ANO6: variants seen among roughly 807,000 people sequenced by gnomAD.
The protein encoded by ANO6 is anoctamin-6.
Under a neutral mutation model 117.5 loss-of-function variants are expected in ANO6, and 106 were observed. The observed-to-expected ratio is 0.90, with a 90% CI of 0.77 to 1.06. The LOEUF is 1.06. ANO6 is among the 50% of genes least tolerant of loss of function. The probability of loss-of-function intolerance (pLI) is 0.00; values close to 1 mark genes in which losing one functional copy is unlikely to be tolerated. For missense variants in ANO6, 955 were observed against 1,121.1 expected, an observed-to-expected ratio of 0.85 and a Z score of 2.12; for synonymous variants, 367 against 385.1, an observed-to-expected ratio of 0.95 and a Z score of 0.55.
At chr12:45,349,981 A>G (rs1037189588) in intron 6 of ANO6, among the ~76,000 whole-genome samples, 1 of 152,276 alleles carries the variant, frequency 6.6e-6, no homozygotes, top group Non-Finnish European at 1.5e-5. Flanking sequence ...CAGGCTAACA[A>G]ATGGTCCCAT....
At chr12:45,299,522 T>C (rs1403083079) in intron 1 of ANO6, among the ~76,000 whole-genome samples, 1 of 152,160 alleles carries the variant, frequency 6.6e-6, no homozygotes, top group East Asian at 1.9e-4. Flanking sequence ...TATACAAAGA[T>C]GTGAGGTATT....
chr12:45,333,831 T>C (rs1190728752), intron 3 of ANO6, among the ~76,000 whole-genome samples: 1 of 152,008 alleles, frequency 6.6e-6, no homozygotes, highest in East Asian at 1.9e-4. Flanking sequence ...TTTAGGACAA[T>C]ACCAAGGAAA....
At chr12:45,344,488 T>C (rs11182990) in intron 3 of ANO6, among the ~76,000 whole-genome samples, 17,146 of 151,736 alleles carry the variant, frequency 0.11, 1,488 homozygotes, top group East Asian at 0.32. Flanking sequence ...ATATCTGGAG[T>C]CGGAGGACAA....
At chr12:45,346,940 TTATTAA>T in intron 3 of ANO6, 76 bp from the exon 4 acceptor site, 3 of 1,275,592 alleles carry the variant, frequency 2.4e-6, no homozygotes, top group Non-Finnish European at 3.4e-6. Flanking sequence ...TTTGATTTTG[TTATTAA>T]TATTGTTTTA....
At chr12:45,347,283 T>G (rs2137445581) in intron 4 of ANO6, 196 bp downstream of exon 4, 1 of 565,132 alleles carries the variant, frequency 1.8e-6, no homozygotes, top group Middle Eastern at 4.6e-4. Context: ...AGATCTTTTT[T>G]AATAGCCAAC....
At chr12:45,306,815 G>T (rs957312148) in intron 2 of ANO6, among the ~76,000 whole-genome samples, 40 of 151,638 alleles carry the variant, frequency 2.6e-4, no homozygotes, top group Admixed American at 1.9e-3. Flanking sequence ...AAAAAGTAGG[G>T]ATTATTTGTG....
At chr12:45,227,691 A>G (rs867619227) in intron 1 of ANO6, among the ~76,000 whole-genome samples, 4 of 152,022 alleles carry the variant, frequency 2.6e-5, no homozygotes, top group African/African-American at 4.8e-5. Flanking sequence ...GTCTTTTCCC[A>G]TCAAACATTG....
intron 9 of ANO6, among the ~76,000 whole-genome samples, chr12:45,370,909 C>T (rs1001130063): frequency 3.5e-4 from 53 of 152,158 alleles, no homozygotes; most frequent in African/African-American, 1.2e-3. Flanking sequence ...GCCTGAGCAA[C>T]GCAGGAGACG....
intron 8 of ANO6, among the ~76,000 whole-genome samples, chr12:45,362,344 T>A (rs973427656): frequency 6.6e-5 from 10 of 152,076 alleles, no homozygotes; most frequent in African/African-American, 2.4e-4. Context: ...AATGTTTCCC[T>A]TTTCATTTCT....
At chr12:45,346,250 A>G (rs1309353640) in intron 3 of ANO6, among the ~76,000 whole-genome samples, 1 of 152,196 alleles carries the variant, frequency 6.6e-6, no homozygotes, top group Admixed American at 6.5e-5. Flanking sequence ...AAAGCAGTAT[A>G]AACTGTTTTG....
exon 20 of ANO6, chr12:45,440,268 C>T (rs534185280): frequency 6.1e-6 from 1 of 164,810 alleles, no homozygotes; most frequent in African/African-American, 2.4e-5. Context: ...GAGACAGAGT[C>T]TTACTCTGTC....
rs1941261743 is a variant in ANO6, at chr12:45,350,830, G to A, written c.863+56G>A. 2.9e-6 allele frequency: 4 copies of A among 1,360,474 alleles called. No individual in the cohort carries two copies. In the South Asian group the frequency reaches 3.6e-5, roughly 12 times the overall value. The allele number at this position is 1,360,474 out of a possible 1,614,324, so 84.3% of individuals were successfully genotyped here. ...AGGCACTCAGGGTGTTACCCCCACA[G>A]CATCTGAATGTGACAGTACTCATCA... is the stretch of plus-strand genomic sequence containing the variant. On this transcript the variant is annotated intron_variant, in intron 7 of 19. Coordinates refer to ENST00000320560, the MANE Select transcript of ANO6 (RefSeq NM_001025356.3).
At chr12:45,297,011 A>G (rs1284014500) in intron 1 of ANO6, among the ~76,000 whole-genome samples, 1 of 152,192 alleles carries the variant, frequency 6.6e-6, no homozygotes, top group Non-Finnish European at 1.5e-5. Flanking sequence ...TGAGATAACC[A>G]GGGAAAGTAA....
Position 45,369,668 on chromosome 12 carries a change from C to CT in ANO6, c.1104+1876dup, listed in dbSNP as rs1197473508. On this transcript the variant is annotated intron_variant, in intron 9 of 19. Coordinates refer to ENST00000320560, the MANE Select transcript of ANO6 (RefSeq NM_001025356.3). ...AGAAAAAGCACTTTTTCTGGCTTTT[C>CT]TGTTTGTGAATTATTTTTTCCTTCA... is the stretch of plus-strand genomic sequence containing the variant. Among the ~76,000 whole-genome samples, 4 of 151,714 alleles carry CT rather than the reference C, an allele frequency of 2.6e-5. No individual in the cohort carries two copies. The East Asian group carries it at 7.7e-4, about 29-fold the overall frequency.
intron 16 of ANO6, among the ~76,000 whole-genome samples, chr12:45,411,944 C>T (rs1388394950): frequency 6.6e-6 from 1 of 152,156 alleles, no homozygotes; most frequent in African/African-American, 2.4e-5. Context: ...TACTCATAAA[C>T]ATTTAAGCAA....
chr12:45,327,999 CT>C (rs780432571), intron 2 of ANO6, among the ~76,000 whole-genome samples: 6 of 152,088 alleles, frequency 3.9e-5, no homozygotes, highest in Non-Finnish European at 7.4e-5. Flanking sequence ...AAAAATCATT[CT>C]GGGCCATTCC....
chr12:45,365,957 A>G (rs1196049458), intron 8 of ANO6, among the ~76,000 whole-genome samples: 1 of 152,040 alleles, frequency 6.6e-6, no homozygotes, highest in Non-Finnish European at 1.5e-5. Flanking sequence ...GTTTTCCAAG[A>G]TCTTTACTCA....
intron 16 of ANO6, among the ~76,000 whole-genome samples, chr12:45,414,752 CACT>C (rs1943171448): frequency 6.6e-6 from 1 of 152,132 alleles, no homozygotes; most frequent in Non-Finnish European, 1.5e-5. Flanking sequence ...ACTTTAGTAT[CACT>C]TTTCAGCTTT....
At chr12:45,216,627 G>A (rs867509318) in intron 1 of ANO6, among the ~76,000 whole-genome samples, 1 of 152,232 alleles carries the variant, frequency 6.6e-6, no homozygotes, top group Non-Finnish European at 1.5e-5. Flanking sequence ...GCTCCTGACG[G>A]GCGGGGGATG....
Sources: gnomAD v4.1 joint callset for allele counts (sites outside exome capture counted in the v4.1 genomes callset) on GRCh38, gnomAD v4.1.1 for gene constraint, MANE v1.5 for transcripts, NCBI Gene and HGNC (gene_info 2026-07-23, HGNC 2026-07-21) for gene names.